The following OSBPL8 variants were observed in gnomAD, a reference collection of about 807,000 sequenced individuals.
OSBPL8 encodes the protein oxysterol-binding protein-related protein 8.
OSBPL8 carries 59 observed loss-of-function variants against 125.5 expected under a neutral mutation model. That is an observed-to-expected ratio of 0.47 (90% CI 0.38 to 0.58). OSBPL8 has a LOEUF of 0.58. Ranked by LOEUF, OSBPL8 falls within the 20% of genes least tolerant of loss-of-function variation. The pLI, the probability that OSBPL8 is intolerant of heterozygous loss-of-function variation, is 0.00. For missense variants in OSBPL8, 758 were observed against 1,047.8 expected, an observed-to-expected ratio of 0.72 and a Z score of 3.82; for synonymous variants, 330 against 338.9, an observed-to-expected ratio of 0.97 and a Z score of 0.29.
chr12:76,364,953 T>C (rs971179103), intron 21 of OSBPL8, among the ~76,000 whole-genome samples: 1 of 152,166 alleles, frequency 6.6e-6, no homozygotes, highest in Non-Finnish European at 1.5e-5. Flanking sequence ...AGGTTGCTTT[T>C]AGTAGTACAG....
In OSBPL8 at chr12:76,390,612, A is replaced by G. The variant is rs1953517396; in HGVS notation, c.975T>C (p.Asp325=). Residue 325 remains aspartate, a synonymous_variant, in exon 11 of 24, where the codon GAT becomes GAC. Transcript: ENST00000261183. ...CTTTATCAGATTTATCAGAATACAT[A>G]TCTTGGTCCTTAAAATGTTGTCGTT... ...EIERQHFKDQ[D]MYSDKSDKEN... 1 of 1,613,592 alleles carries G rather than the reference A, an allele frequency of 6.2e-7. No homozygotes were observed.
chr12:76,477,776 G>T (rs937912028), intron 2 of OSBPL8, among the ~76,000 whole-genome samples: 2 of 151,832 alleles, frequency 1.3e-5, no homozygotes, highest in Non-Finnish European at 2.9e-5. Context: ...ATAGGCGAAG[G>T]GGGGGTACAA....
intron 1 of OSBPL8, among the ~76,000 whole-genome samples, chr12:76,523,048 A>G (rs1051287037): frequency 3.9e-5 from 6 of 152,014 alleles, no homozygotes; most frequent in Admixed American, 1.3e-4. Context: ...CTGTTTCCCC[A>G]GCTAGTCCTG....
chr12:76,423,510 T>C (rs1167166189), intron 4 of OSBPL8, among the ~76,000 whole-genome samples: 1 of 152,182 alleles, frequency 6.6e-6, no homozygotes, highest in African/African-American at 2.4e-5. Context: ...AATGAGTCTT[T>C]CCTGCTTAAA....
At chr12:76,510,762 T>C (rs941535651) in intron 1 of OSBPL8, among the ~76,000 whole-genome samples, 11 of 151,716 alleles carry the variant, frequency 7.3e-5, no homozygotes, top group African/African-American at 2.7e-4. Flanking sequence ...ATGCCTGTAA[T>C]CCCAGCTACT....
At chr12:76,472,301 A>C (rs1007585071) in intron 2 of OSBPL8, among the ~76,000 whole-genome samples, 6 of 152,164 alleles carry the variant, frequency 3.9e-5, no homozygotes, top group Admixed American at 3.3e-4. Flanking sequence ...ACATCCAATC[A>C]ATCACCAGGT....
intron 1 of OSBPL8, among the ~76,000 whole-genome samples, chr12:76,497,659 AAAC>A (rs1293745651): frequency 2.0e-5 from 3 of 152,186 alleles, no homozygotes; most frequent in Non-Finnish European, 4.4e-5. Flanking sequence ...ACTTCTGTCC[AAAC>A]AACTTTTTTC....
intron 6 of OSBPL8, 93 bp downstream of exon 6, chr12:76,402,596 G>T: frequency 1.1e-6 from 1 of 888,878 alleles, no homozygotes; most frequent in South Asian, 1.6e-5. Flanking sequence ...CTTTCTTTAG[G>T]AACACACATA....
At chr12:76,547,432 C>A (rs1950812549) in intron 1 of OSBPL8, among the ~76,000 whole-genome samples, 1 of 151,752 alleles carries the variant, frequency 6.6e-6, no homozygotes, top group Non-Finnish European at 1.5e-5. Context: ...AAATACAAAA[C>A]AATAAAAAAG....
At chr12:76,454,089 T>C (rs929643160) in intron 3 of OSBPL8, among the ~76,000 whole-genome samples, 2 of 152,218 alleles carry the variant, frequency 1.3e-5, no homozygotes, top group Admixed American at 6.5e-5. Context: ...GCACTGTTAA[T>C]GGAGTATAAG....
At chr12:76,517,056 T>C (rs746257851) in intron 1 of OSBPL8, among the ~76,000 whole-genome samples, 15 of 152,172 alleles carry the variant, frequency 9.9e-5, no homozygotes, top group South Asian at 4.2e-4. Flanking sequence ...TCAAGTGATC[T>C]GCCTGCCTCA....
chr12:76,438,233 G>T (rs899771173), intron 4 of OSBPL8, among the ~76,000 whole-genome samples: 2 of 151,444 alleles, frequency 1.3e-5, no homozygotes, highest in African/African-American at 4.9e-5. Context: ...TGATCCGCCC[G>T]CCTCGGCCTC....
intron 9 of OSBPL8, among the ~76,000 whole-genome samples, chr12:76,393,255 T>C (rs2136306119): frequency 6.6e-6 from 1 of 152,254 alleles, no homozygotes; most frequent in South Asian, 2.1e-4. Context: ...ACATTAATAG[T>C]TTTATTTTTT....
intron 3 of OSBPL8, among the ~76,000 whole-genome samples, chr12:76,455,103 C>A (rs1592712402): frequency 6.6e-6 from 1 of 151,350 alleles, no homozygotes; most frequent in South Asian, 2.1e-4. Flanking sequence ...ATTAGCTGGG[C>A]GTGTTGGTGG....
intron 5 of OSBPL8, among the ~76,000 whole-genome samples, chr12:76,403,294 C>T (rs536198282): frequency 6.6e-6 from 1 of 152,316 alleles, no homozygotes; most frequent in South Asian, 2.1e-4. Context: ...TACTTCCTAC[C>T]TATCGAGTGA....
At chr12:76,477,827 A>G (rs1343280314) in intron 2 of OSBPL8, among the ~76,000 whole-genome samples, 1 of 152,000 alleles carries the variant, frequency 6.6e-6, no homozygotes, top group Non-Finnish European at 1.5e-5. Flanking sequence ...TTTTCTGTAA[A>G]CCTAATACTG....
intron 18 of OSBPL8, 70 bp downstream of exon 18, chr12:76,373,274 T>C: frequency 9.9e-7 from 1 of 1,008,522 alleles, no homozygotes. Flanking sequence ...AAGTTTTAAA[T>C]TTTAAATGTG....
chr12:76,389,589 G>C lies in OSBPL8; in HGVS notation c.1352+56C>G, dbSNP rs552023848. On this transcript the variant is annotated intron_variant, in intron 12 of 23. Transcript: ENST00000261183. Reference sequence around the variant, plus strand: ...AACGATAATTGAAAATAGCATTCTTGAGAATTTCTAAAATCATGAAGTATT... The same window carrying C: ...AACGATAATTGAAAATAGCATTCTTCAGAATTTCTAAAATCATGAAGTATT... 1.1e-5 allele frequency: 15 copies of C among 1,308,972 alleles called. No homozygotes were observed. The East Asian group carries it at 3.3e-4, about 29-fold the overall frequency. 81.1% of individuals were successfully genotyped at this position (1,308,972 alleles called of 1,614,324 possible).
intron 1 of OSBPL8, among the ~76,000 whole-genome samples, chr12:76,526,145 C>T (rs915739095): frequency 1.3e-5 from 2 of 152,188 alleles, no homozygotes; most frequent in African/African-American, 2.4e-5. Flanking sequence ...TTTTAATTCA[C>T]AGAACCTTGA....
Sources: allele counts gnomAD v4.1 joint callset (sites outside exome capture counted in the v4.1 genomes callset), GRCh38; gene constraint gnomAD v4.1.1; transcripts MANE v1.5; gene names NCBI Gene and HGNC (gene_info 2026-07-23, HGNC 2026-07-21).